Variants in SLC2A9 observed in about 807,000 individuals in gnomAD.
SLC2A9 encodes solute carrier family 2, facilitated glucose transporter member 9.
Under a neutral mutation model 50.6 loss-of-function variants are expected in SLC2A9, and 39 were observed. That is an observed-to-expected ratio of 0.77 (90% CI 0.60 to 1.01). The LOEUF (loss-of-function observed/expected upper bound fraction) is 1.01. Among genes scored for constraint, SLC2A9 ranks in the 50% least tolerant of loss-of-function variants. The pLI is 0.00. For synonymous variants in SLC2A9, 324 were observed against 276.9 expected (o/e 1.17, Z -1.69); for missense variants, 686 against 677.6 (o/e 1.01, Z -0.14).
chr4:10,005,463 G>A (rs961224079), intron 2 of SLC2A9, among the ~76,000 whole-genome samples: 3 of 152,340 alleles, frequency 2.0e-5, no homozygotes, highest in Non-Finnish European at 4.4e-5. Context: ...GTTTTAGCAC[G>A]GAATTGATAG....
At chr4:9,935,466 A>G (rs987512601) in intron 6 of SLC2A9, among the ~76,000 whole-genome samples, 2 of 152,140 alleles carry the variant, frequency 1.3e-5, no homozygotes, top group African/African-American at 4.8e-5. Flanking sequence ...CCCTGCCCCT[A>G]TGTGCCCTGG....
chr4:10,039,926 C>A (rs1022584274), intron 1 of SLC2A9, among the ~76,000 whole-genome samples: 2 of 152,226 alleles, frequency 1.3e-5, no homozygotes, highest in East Asian at 1.9e-4. Flanking sequence ...GCGCCAGTTC[C>A]AGGGCAGCAC....
At chr4:9,950,018 C>A (rs1749931503) in intron 5 of SLC2A9, among the ~76,000 whole-genome samples, 1 of 152,178 alleles carries the variant, frequency 6.6e-6, no homozygotes, top group Non-Finnish European at 1.5e-5. Flanking sequence ...CACAGCTTTA[C>A]TGAATCCTGG....
chr4:10,029,576 A>T (rs1394001197), intron 1 of SLC2A9, among the ~76,000 whole-genome samples: 7 of 51,538 alleles, frequency 1.4e-4, no homozygotes, highest in African/African-American at 2.2e-4. Flanking sequence ...TTTATTTTAT[A>T]TTTTTATTTT....
At chr4:9,968,587 C>T (rs1173633375) in intron 5 of SLC2A9, among the ~76,000 whole-genome samples, 1 of 152,254 alleles carries the variant, frequency 6.6e-6, no homozygotes, top group South Asian at 2.1e-4. Flanking sequence ...ATTTCTCATG[C>T]TTTTACTAAG....
intron 3 of SLC2A9, among the ~76,000 whole-genome samples, chr4:9,787,531 G>T (rs1719377482): frequency 1.3e-5 from 2 of 152,086 alleles, no homozygotes; most frequent in Admixed American, 1.3e-4. Flanking sequence ...CATTTACTCT[G>T]AATATTTTGT....
At chr4:9,926,563 T>C (rs908832056) in intron 6 of SLC2A9, among the ~76,000 whole-genome samples, 2 of 151,794 alleles carry the variant, frequency 1.3e-5, no homozygotes, top group Non-Finnish European at 2.9e-5. Flanking sequence ...TGAATATACA[T>C]GCTATCACTG....
rs773968970 is a variant in SLC2A9, at chr4:9,887,040, C to T, written c.1291+527G>A. On this transcript the variant is annotated intron_variant, in intron 10 of 11. Coordinates refer to ENST00000264784, the MANE Select transcript of SLC2A9 (RefSeq NM_020041.3). Reference sequence around the variant, plus strand: ...TACCATGTAAGCTGGTGGTTGGGGCCTGGGCCTGGCAGTCAGGCCACTCCA... The same window carrying T: ...TACCATGTAAGCTGGTGGTTGGGGCTTGGGCCTGGCAGTCAGGCCACTCCA... Among the ~76,000 whole-genome samples, 13 of 152,354 alleles carry T rather than the reference C, an allele frequency of 8.5e-5. No homozygotes were observed. In the South Asian group the frequency reaches 1.2e-3, roughly 15 times the overall value.
Position 9,880,571 on chromosome 4 carries a change from T to C in SLC2A9, c.1291+6996A>G, listed in dbSNP as rs1290785573. On this transcript the variant is annotated intron_variant, in intron 10 of 11. Coordinates refer to ENST00000264784, the MANE Select transcript of SLC2A9 (RefSeq NM_020041.3). ...AAAAAAAAAACAGAGAAGGCTAAGC[T>C]TAGTGATTTTTGGTTAGCAAAGAAC... 8.1e-6 allele frequency: 8 copies of C among 985,056 alleles called. No homozygotes were observed. In the East Asian group the frequency reaches 7.9e-4, roughly 98 times the overall value. The allele number at this position is 985,056 out of a possible 1,614,324, so 61.0% of individuals were successfully genotyped here. A position where few individuals can be genotyped will look rare whatever the true frequency, so the allele number is the denominator to read the frequency against.
At chr4:9,880,311 G>A in intron 10 of SLC2A9, 2 of 985,538 alleles carry the variant, frequency 2.0e-6, no homozygotes, top group South Asian at 4.7e-5. Context: ...CCAGGTGCTG[G>A]GTCAACACAG....
chr4:10,021,283 T>C lies in SLC2A9; in HGVS notation c.147A>G (p.Arg49=). The change falls in exon 1 of 12, where the codon AGA becomes AGG. Residue 49 remains arginine (R), a synonymous_variant. Transcript: ENST00000264784. ...CAGAAAAGCTGTCCGTAGTTACCTT[T>C]CTTCTCCTTCCACCTGGCACCCCAC... ...LRSGVPGGRR[R]KDWSCSLLVA... 3 of 1,613,516 alleles carry C rather than the reference T, an allele frequency of 1.9e-6. No homozygotes were observed. The highest frequency in any genetic ancestry group is 1.7e-6 in the Non-Finnish European group (2 of 1,180,034).
intron 5 of SLC2A9, among the ~76,000 whole-genome samples, chr4:9,950,590 G>A (rs4373157): frequency 1.3e-5 from 2 of 151,278 alleles, no homozygotes; most frequent in Admixed American, 1.3e-4. Context: ...ATTATTAAAT[G>A]ACAGATGCTG....
intron 2 of SLC2A9, among the ~76,000 whole-genome samples, chr4:10,017,118 C>T (rs1359254685): frequency 6.6e-6 from 1 of 152,268 alleles, no homozygotes; most frequent in Non-Finnish European, 1.5e-5. Flanking sequence ...TCCAGGCTGT[C>T]TTCCCTGATC....
At chr4:9,848,987 C>T (rs1364015317) in intron 10 of SLC2A9, among the ~76,000 whole-genome samples, 1 of 152,172 alleles carries the variant, frequency 6.6e-6, no homozygotes, top group Non-Finnish European at 1.5e-5. Context: ...CAGGCGTGAG[C>T]CACCGTGCCT....
At chr4:9,952,368 G>A (rs1054170945) in intron 5 of SLC2A9, among the ~76,000 whole-genome samples, 5 of 152,088 alleles carry the variant, frequency 3.3e-5, no homozygotes, top group African/African-American at 1.2e-4. Flanking sequence ...TTTAAAATTT[G>A]TGGCACCTTC....
At chr4:10,025,302 C>A (rs894675202), upstream of SLC2A9, among the ~76,000 whole-genome samples, 1 of 152,192 alleles carries the variant, frequency 6.6e-6, no homozygotes, top group African/African-American at 2.4e-5. Flanking sequence ...CCTTTCTGAG[C>A]CTCAGTTCAT....
At chr4:9,984,481 C>T (rs549982632) in intron 4 of SLC2A9, among the ~76,000 whole-genome samples, 2 of 152,156 alleles carry the variant, frequency 1.3e-5, no homozygotes, top group South Asian at 4.2e-4. Context: ...CTTATTATAG[C>T]CTTTTGAAGT....
In SLC2A9 at chr4:9,941,242, G is replaced by A. The variant is rs7669698; in HGVS notation, c.814+671C>T. ...CCTTTTCAGGGCTCTGTAGAGAGAT[G>A]TCTCTGATTCCGAAAGCCAAGATTT... On this transcript the variant is annotated intron_variant, in intron 6 of 11. Coordinates refer to ENST00000264784, the MANE Select transcript of SLC2A9 (RefSeq NM_020041.3). Among the ~76,000 whole-genome samples the A allele has an allele frequency of 6.7e-3, 1,016 of 152,312 alleles. 8 individuals carry two copies. Among genetic ancestry groups the A allele is most frequent in the African/African-American group, 0.023 (976 of 41,552 alleles).
chr4:9,924,985 C>T (rs1333096918), intron 6 of SLC2A9, among the ~76,000 whole-genome samples: 2 of 152,208 alleles, frequency 1.3e-5, no homozygotes, highest in African/African-American at 4.8e-5. Flanking sequence ...CTTCTGCACA[C>T]AAATCTGTGC....
Sources: allele counts gnomAD v4.1 joint callset (sites outside exome capture counted in the v4.1 genomes callset), GRCh38; gene constraint gnomAD v4.1.1; transcripts MANE v1.5; gene names NCBI Gene and HGNC (gene_info 2026-07-23, HGNC 2026-07-21).